PARP4: variants seen among roughly 807,000 people sequenced by gnomAD.
PARP4 encodes the protein protein mono-ADP-ribosyltransferase PARP4.
Under a neutral mutation model 187.7 loss-of-function variants are expected in PARP4, and 120 were observed. The ratio of observed to expected loss-of-function variants is 0.64; its 90% CI spans 0.55 to 0.74. The LOEUF (loss-of-function observed/expected upper bound fraction) is 0.74. Among genes scored for constraint, PARP4 ranks in the 30% least tolerant of loss-of-function variants. The pLI is 0.00. For missense variants in PARP4, 1,836 were observed against 2,070.5 expected, an observed-to-expected ratio of 0.89 and a Z score of 2.20; for synonymous variants, 654 against 740.9, an observed-to-expected ratio of 0.88 and a Z score of 1.90.
At chr13:24,432,706 G>A (rs1204319231) in intron 31 of PARP4, among the ~76,000 whole-genome samples, 1 of 151,888 alleles carries the variant, frequency 6.6e-6, no homozygotes, top group African/African-American at 2.4e-5. Context: ...TCTGAAACAT[G>A]AAAATGACAG....
Position 24,449,821 on chromosome 13 carries a change from A to C in PARP4, c.3015-4T>G. On this transcript the variant is annotated splice_polypyrimidine_tract_variant and splice_region_variant and intron_variant, in intron 24 of 33. Coordinates refer to ENST00000381989, the MANE Select transcript of PARP4 (RefSeq NM_006437.4). ...GACGTGACGATTTGCTGTAGAACTG[A>C]TCACATTTCACATGTTTTAATTTTG... 6.5e-7 allele frequency: 1 copy of C among 1,541,854 alleles called. No homozygotes were observed. The highest frequency in any genetic ancestry group is 9.0e-7 in the Non-Finnish European group (1 of 1,116,374).
intron 30 of PARP4, 61 bp from the exon 31 acceptor site, chr13:24,435,535 G>A: frequency 6.7e-7 from 1 of 1,493,438 alleles, no homozygotes; most frequent in Non-Finnish European, 8.9e-7. Flanking sequence ...GAACAATCAA[G>A]CAAACATTCT....
chr13:24,463,218 A>C (rs1313393884), intron 17 of PARP4, among the ~76,000 whole-genome samples: 1 of 152,146 alleles, frequency 6.6e-6, no homozygotes, highest in Non-Finnish European at 1.5e-5. Context: ...GCCAGAAGAC[A>C]ATGAAGTTAA....
rs1490828357 is a variant in PARP4, at chr13:24,498,105, A to C, written c.591+11T>G. 3.8e-6 allele frequency: 6 copies of C among 1,570,658 alleles called. No homozygotes were observed. The South Asian group carries it at 6.7e-5, about 17-fold the overall frequency. On this transcript the variant is annotated intron_variant, in intron 6 of 33. Transcript: ENST00000381989. ...CAGTAAACACATAGGAATCAATATA[A>C]ACAGCATTACCTCCATGCCATCATC...
At chr13:24,436,087 C>T (rs967550870) in intron 30 of PARP4, among the ~76,000 whole-genome samples, 2 of 152,022 alleles carry the variant, frequency 1.3e-5, no homozygotes, top group African/African-American at 4.8e-5. Flanking sequence ...CTTAGAATTG[C>T]GGAATTTTAA....
intron 31 of PARP4, among the ~76,000 whole-genome samples, chr13:24,433,444 G>C (rs113206826): frequency 0.016 from 2,471 of 152,268 alleles, 74 homozygotes; most frequent in African/African-American, 0.055. Context: ...TGTTGGGTCT[G>C]ATCACCCCAA....
chr13:24,474,242 G>A (rs553785452), intron 15 of PARP4, among the ~76,000 whole-genome samples: 12 of 152,064 alleles, frequency 7.9e-5, no homozygotes, highest in East Asian at 1.9e-4. Flanking sequence ...AGGCCTTGGC[G>A]GACTCCATCA....
chr13:24,505,683 C>G (rs1195290071), intron 1 of PARP4, among the ~76,000 whole-genome samples: 2 of 152,230 alleles, frequency 1.3e-5, no homozygotes, highest in Admixed American at 6.5e-5. Flanking sequence ...CCCGCGCCAC[C>G]ACGCCCGGCT....
chr13:24,450,317 C>T lies in PARP4; in HGVS notation c.3015-500G>A, dbSNP rs148869902. On this transcript the variant is annotated intron_variant, in intron 24 of 33. Transcript: ENST00000381989. The stretch of plus-strand genomic sequence containing the variant: ...ATCTCTGACATTTAAATGACAAGTG[C>T]CCTATTACTTTTCTCTCTACAATAA... Among the ~76,000 whole-genome samples the T allele has an allele frequency of 1.7e-4, 26 of 151,956 alleles. No homozygotes were observed. In the East Asian group the frequency reaches 3.3e-3, roughly 19 times the overall value.
At chr13:24,473,942 C>G (rs1174175175) in intron 15 of PARP4, among the ~76,000 whole-genome samples, 1 of 152,166 alleles carries the variant, frequency 6.6e-6, no homozygotes, top group African/African-American at 2.4e-5. Flanking sequence ...TACTGATTCT[C>G]TGGGTGTTTA....
chr13:24,450,875 A>AG (rs1871480789), intron 24 of PARP4, among the ~76,000 whole-genome samples: 1 of 151,710 alleles, frequency 6.6e-6, no homozygotes. Flanking sequence ...TACATTTTTC[A>AG]ATTTTTTTTT....
At position 24,486,045 on chromosome 13, in the gene PARP4, G is replaced by A. The variant is rs528230671; in HGVS notation, c.1352+123C>T. The A allele has an allele frequency of 1.0e-5, 8 of 783,374 alleles. No homozygotes were observed. The African/African-American group carries it at 1.4e-4, about 14-fold the overall frequency. 48.5% of individuals were successfully genotyped at this position (783,374 alleles called of 1,614,324 possible). On this transcript the variant is annotated intron_variant, in intron 11 of 33. Transcript: ENST00000381989. ...AGTGTGTAATTTTCTCCAGAATGCAGTAAGCTAGCTGATTTTAACTGAAAA... is the reference window on the plus strand; with the variant it reads ...AGTGTGTAATTTTCTCCAGAATGCAATAAGCTAGCTGATTTTAACTGAAAA...
At chr13:24,486,971 A>G (rs1873595460) in intron 10 of PARP4, among the ~76,000 whole-genome samples, 1 of 151,900 alleles carries the variant, frequency 6.6e-6, no homozygotes, top group Non-Finnish European at 1.5e-5. Flanking sequence ...CAAAGAAAAG[A>G]AAGTTATCGG....
At chr13:24,468,751 T>TTATC (rs1872599144) in intron 17 of PARP4, among the ~76,000 whole-genome samples, 1 of 152,148 alleles carries the variant, frequency 6.6e-6, no homozygotes, top group Non-Finnish European at 1.5e-5. Context: ...ACCTCAAATG[T>TTATC]TATCTTTTTG....
At chr13:24,429,984 G>T (rs1425708997) in intron 32 of PARP4, among the ~76,000 whole-genome samples, 1 of 152,188 alleles carries the variant, frequency 6.6e-6, no homozygotes, top group Admixed American at 6.5e-5. Flanking sequence ...GATACGTGTG[G>T]AGCCCACCTA....
At chr13:24,431,313 A>C in intron 32 of PARP4, 64 bp downstream of exon 32, 3 of 877,788 alleles carry the variant, frequency 3.4e-6, no homozygotes, top group Middle Eastern at 3.5e-4. Flanking sequence ...GTTTACAACA[A>C]TTAGGAGCAT....
intron 32 of PARP4, among the ~76,000 whole-genome samples, chr13:24,427,041 T>A (rs2137431489): frequency 6.6e-6 from 1 of 152,290 alleles, no homozygotes; most frequent in East Asian, 1.9e-4. Flanking sequence ...GTGCCTATGA[T>A]ATTATCCTGA....
Position 24,455,075 on chromosome 13 carries a change from C to G in PARP4, c.2700G>C (p.Leu900Phe). The change falls in exon 22 of 34, where the codon TTG (leucine) becomes TTC (phenylalanine). Residue 900 changes from leucine (L) to phenylalanine (F), a missense_variant. By Grantham distance (22) the Leu-to-Phe change is conservative. This residue lies in a region of PARP4 where 1,147 missense variants were observed against 1,214.2 expected (regional missense o/e 0.94). Transcript: ENST00000381989. Reference sequence around the variant, plus strand: ...TCTCACCCACCAAGGACAGCGCATGCAAGGCGATTTGCTTGGCTTGCAAGA... The same window carrying G: ...TCTCACCCACCAAGGACAGCGCATGGAAGGCGATTTGCTTGGCTTGCAAGA... ...VTFLQAKQIA[L>F]HALSLVGEKQ... 1 of 1,613,192 alleles carries G rather than the reference C, an allele frequency of 6.2e-7. No individual in the cohort carries two copies. Among genetic ancestry groups the G allele is most frequent in the Non-Finnish European group, 8.5e-7 (1 of 1,179,302 alleles).
rs1394550742 is a variant in PARP4 at position 24,421,276 on chromosome 13, C to A, written c.5018G>T (p.Ser1673Ile). 1 of 1,333,384 alleles carries A rather than the reference C, an allele frequency of 7.5e-7. No homozygotes were observed. The highest frequency in any genetic ancestry group is 1.5e-5 in the African/African-American group (1 of 65,532). 82.6% of individuals were successfully genotyped at this position (1,333,384 alleles called of 1,614,324 possible). ...PWAFEAIKQA[S>I]EWVRRTEGQY... is the part of the protein sequence containing the mutation. ...TCCTTCAGTTCTTCTTACCCATTCA[C>A]TTGCTTGCTTTATTGCCTCAAAAGC... Residue 1673 changes from serine to isoleucine, a missense_variant, in exon 34 of 34, where the codon AGT becomes ATT. By Grantham distance (142) the Ser-to-Ile change is moderately radical. This residue lies in a region of PARP4 where 29 missense variants were observed against 81.3 expected (regional missense o/e 0.36). Transcript: ENST00000381989.
Sources: gnomAD v4.1 joint callset for allele counts (sites outside exome capture counted in the v4.1 genomes callset) on GRCh38, gnomAD v4.1.1 for gene constraint, gnomAD v4.1.1 regional missense constraint, MANE v1.5 for transcripts, NCBI Gene and HGNC (gene_info 2026-07-23, HGNC 2026-07-21) for gene names.